Variants in PPFIA1 observed in about 807,000 individuals in gnomAD.
PPFIA1 encodes PPFI scaffold protein A1.
Under a neutral mutation model 149.9 loss-of-function variants are expected in PPFIA1, and 25 were observed. The observed-to-expected ratio is 0.17, with a 90% CI of 0.12 to 0.23. The LOEUF (loss-of-function observed/expected upper bound fraction) is 0.23. Among genes scored for constraint, PPFIA1 ranks in the 10% least tolerant of loss-of-function variants. PPFIA1 has a pLI of 1.00. For synonymous variants in PPFIA1, 549 were observed against 552.8 expected (o/e 0.99, Z 0.10); for missense variants, 1,362 against 1,506.5 (o/e 0.90, Z 1.59).
chr11:70,322,684 C>G (rs527632805), intron 2 of PPFIA1, among the ~76,000 whole-genome samples: 6 of 152,194 alleles, frequency 3.9e-5, no homozygotes, highest in Non-Finnish European at 8.8e-5. Context: ...TCAGGAGCAG[C>G]CTTGTCTCCA....
chr11:70,360,403 C>T (rs563634732), intron 19 of PPFIA1, among the ~76,000 whole-genome samples: 7 of 152,380 alleles, frequency 4.6e-5, no homozygotes, highest in East Asian at 3.9e-4. Context: ...CAAGGCTGAG[C>T]GTAAGTTGGG....
At chr11:70,360,123 C>G (rs2056563270) in intron 19 of PPFIA1, among the ~76,000 whole-genome samples, 1 of 152,266 alleles carries the variant, frequency 6.6e-6, no homozygotes, top group Non-Finnish European at 1.5e-5. Flanking sequence ...TGCCTTCTCC[C>G]TAACTTCCTG....
intron 7 of PPFIA1, chr11:70,327,298 T>TAC: frequency 6.5e-6 from 1 of 153,880 alleles, no homozygotes; most frequent in South Asian, 2.0e-4. Flanking sequence ...GGGGCGTTGC[T>TAC]GGCGGTCTTC....
chr11:70,285,421 G>A (rs1459471340), intron 2 of PPFIA1, among the ~76,000 whole-genome samples: 1 of 152,056 alleles, frequency 6.6e-6, no homozygotes, highest in Non-Finnish European at 1.5e-5. Context: ...TGCCGGGTGC[G>A]GTGGCTCATG....
intron 2 of PPFIA1, chr11:70,278,941 C>A: frequency 1.6e-6 from 1 of 613,158 alleles, no homozygotes; most frequent in Admixed American, 2.0e-5. Context: ...CCTTTCTTCC[C>A]AATTAGAGAT....
chr11:70,276,995 A>T, intron 2 of PPFIA1, among the ~76,000 whole-genome samples: 2 of 121,676 alleles, frequency 1.6e-5, no homozygotes, highest in Admixed American at 8.4e-5. Flanking sequence ...CTATTGCATT[A>T]ATTTCTACTT....
intron 23 of PPFIA1, 74 bp from the exon 24 acceptor site, chr11:70,374,844 C>T (rs986412999): frequency 6.6e-6 from 9 of 1,354,542 alleles, no homozygotes; most frequent in Admixed American, 6.4e-5. Context: ...GAATCTTTCT[C>T]CTGCATTACA....
At chr11:70,372,659 A>G in intron 23 of PPFIA1, 85 bp downstream of exon 23, 1 of 1,126,374 alleles carries the variant, frequency 8.9e-7, no homozygotes, top group Non-Finnish European at 1.3e-6. Flanking sequence ...TTTTCAAAAA[A>G]TCAAGAAAGG....
chr11:70,351,617 AT>A (rs1436015104), intron 16 of PPFIA1, among the ~76,000 whole-genome samples: 1 of 152,200 alleles, frequency 6.6e-6, no homozygotes, highest in Non-Finnish European at 1.5e-5. Flanking sequence ...CACTCAAATT[AT>A]AGATTTTGGA....
chr11:70,272,696 C>A (rs544008416), intron 2 of PPFIA1, among the ~76,000 whole-genome samples: 1 of 152,274 alleles, frequency 6.6e-6, no homozygotes, highest in African/African-American at 2.4e-5. Context: ...TCAGGAAGTT[C>A]TCCAGAGTTT....
intron 11 of PPFIA1, among the ~76,000 whole-genome samples, chr11:70,336,505 C>CAAA (rs10640266): frequency 0.025 from 3,118 of 123,076 alleles, 124 homozygotes; most frequent in Admixed American, 0.07. Context: ...GATCCTGTTT[C>CAAA]AAAAAAAAAA....
intron 2 of PPFIA1, among the ~76,000 whole-genome samples, chr11:70,306,987 A>G (rs1239391871): frequency 1.3e-5 from 2 of 152,242 alleles, no homozygotes; most frequent in African/African-American, 2.4e-5. Flanking sequence ...AGATGGCCAG[A>G]CATGCACCCA....
chr11:70,363,844 C>T (rs941310468), intron 21 of PPFIA1, among the ~76,000 whole-genome samples: 4 of 152,108 alleles, frequency 2.6e-5, no homozygotes, highest in Non-Finnish European at 4.4e-5. Flanking sequence ...AGGTGACATA[C>T]TAGTAAGAGA....
chr11:70,370,180 T>A (rs906465412), intron 21 of PPFIA1, among the ~76,000 whole-genome samples: 8 of 151,912 alleles, frequency 5.3e-5, no homozygotes, highest in Non-Finnish European at 1.0e-4. Context: ...CCTCTTTCAT[T>A]CTTGATAGTG....
At chr11:70,330,352 A>G in intron 8 of PPFIA1, 33 bp downstream of exon 8, 1 of 1,519,254 alleles carries the variant, frequency 6.6e-7, no homozygotes, top group Non-Finnish European at 8.8e-7. Flanking sequence ...GTCTGGCTTT[A>G]GTTAATTATT....
rs143022298 is a variant in PPFIA1 at position 70,377,707 on chromosome 11, A to G, written c.3385-323A>G. On this transcript the variant is annotated intron_variant, in intron 25 of 27. Coordinates refer to ENST00000253925, the MANE Select transcript of PPFIA1 (RefSeq NM_003626.5). ...TGAAAAATAAACTATTTTTAAGATA[A>G]ATAAAAACGTATTACGTTGCAAGAA... 1.9e-3 allele frequency among the ~76,000 whole-genome samples: 297 copies of G among 152,310 alleles called. 3 individuals are homozygous for G. Among genetic ancestry groups the G allele is most frequent in the African/African-American group, 6.9e-3 (286 of 41,570 alleles).
At position 70,383,105 on chromosome 11, in the gene PPFIA1, A is replaced by G. The variant is rs1591413150; in HGVS notation, c.*115A>G. ...CTTTAATCTTGTTAATACTTGTTAT[A>G]TGGACCCTAAGATATTTTATTACAG... is the stretch of plus-strand genomic sequence containing the variant. On this transcript the variant is annotated 3_prime_UTR_variant, in exon 28 of 28. Transcript: ENST00000253925. 1 of 400,996 alleles carries G rather than the reference A, an allele frequency of 2.5e-6. No individual in the cohort carries two copies. The highest frequency in any genetic ancestry group is 4.8e-6 in the Non-Finnish European group (1 of 209,350). 24.8% of individuals were successfully genotyped at this position (400,996 alleles called of 1,614,324 possible).
At chr11:70,335,730 C>T (rs771754296) in intron 11 of PPFIA1, 36 bp downstream of exon 11, 2 of 1,609,818 alleles carry the variant, frequency 1.2e-6, no homozygotes, top group Middle Eastern at 1.7e-4. Context: ...GGAGCTTTCC[C>T]ACCCTCTGCC....
At chr11:70,304,198 C>T (rs1033524987) in intron 2 of PPFIA1, among the ~76,000 whole-genome samples, 2 of 152,156 alleles carry the variant, frequency 1.3e-5, no homozygotes, top group African/African-American at 4.8e-5. Flanking sequence ...ATTCTGGGGG[C>T]TCTGGGTTCC....
Sources: allele counts gnomAD v4.1 joint callset (sites outside exome capture counted in the v4.1 genomes callset), GRCh38; gene constraint gnomAD v4.1.1; transcripts MANE v1.5; gene names NCBI Gene and HGNC (gene_info 2026-07-23, HGNC 2026-07-21).